The following CRIM1 variants were observed in gnomAD, a reference collection of about 807,000 sequenced individuals.
The protein encoded by CRIM1 is cysteine rich transmembrane BMP regulator 1.
Under a neutral mutation model 116.4 loss-of-function variants are expected in CRIM1, and 32 were observed. The ratio of observed to expected loss-of-function variants is 0.27; its 90% CI spans 0.21 to 0.37. CRIM1 has a LOEUF of 0.37. Among genes scored for constraint, CRIM1 ranks in the 10% least tolerant of loss-of-function variants. CRIM1 has a pLI of 1.00. For synonymous variants in CRIM1, 590 were observed against 509.2 expected (o/e 1.16, Z -2.13); for missense variants, 1,331 against 1,354.8 (o/e 0.98, Z 0.28).
At chr2:36,494,038 T>G (rs1431190158) in intron 7 of CRIM1, among the ~76,000 whole-genome samples, 1 of 152,142 alleles carries the variant, frequency 6.6e-6, no homozygotes, top group Non-Finnish European at 1.5e-5. Flanking sequence ...GAATTTCTCA[T>G]AAAATAAACT....
At chr2:36,534,328 GA>G (rs757331025) in intron 13 of CRIM1, among the ~76,000 whole-genome samples, 25 of 116,628 alleles carry the variant, frequency 2.1e-4, no homozygotes, top group Admixed American at 3.9e-4. Flanking sequence ...GAAAGAAGGA[GA>G]AAAGGAGGGA....
At chr2:36,544,132 A>G (rs961191037) in intron 14 of CRIM1, among the ~76,000 whole-genome samples, 2 of 152,232 alleles carry the variant, frequency 1.3e-5, no homozygotes, top group African/African-American at 4.8e-5. Flanking sequence ...GTGAAAAAGC[A>G]GTTTTTGACC....
intron 1 of CRIM1, among the ~76,000 whole-genome samples, chr2:36,391,118 ATTTTTTTTTTTTTT>A (rs57108558): frequency 5.9e-5 from 4 of 67,234 alleles, no homozygotes; most frequent in Admixed American, 4.2e-4. Flanking sequence ...CCAACTTTTG[ATTTTTTTTTTTTTT>A]TTTTTTTTTT....
chr2:36,482,514 A>T (rs1331068490), intron 7 of CRIM1, among the ~76,000 whole-genome samples: 1 of 152,268 alleles, frequency 6.6e-6, no homozygotes, highest in Non-Finnish European at 1.5e-5. Context: ...CTCAGCAGTC[A>T]TTCAATATCA....
At chr2:36,541,451 G>A (rs1666937010) in intron 14 of CRIM1, among the ~76,000 whole-genome samples, 1 of 152,164 alleles carries the variant, frequency 6.6e-6, no homozygotes, top group African/African-American at 2.4e-5. Flanking sequence ...TGAGGCTCAG[G>A]AAAGGTAAGA....
At chr2:36,365,480 G>A (rs1299637886) in intron 1 of CRIM1, among the ~76,000 whole-genome samples, 1 of 152,162 alleles carries the variant, frequency 6.6e-6, no homozygotes, top group Non-Finnish European at 1.5e-5. Context: ...CTGCGGGCTT[G>A]GGAATGAGCA....
intron 1 of CRIM1, among the ~76,000 whole-genome samples, chr2:36,378,142 A>C (rs1380476002): frequency 6.6e-6 from 1 of 152,202 alleles, no homozygotes; most frequent in African/African-American, 2.4e-5. Context: ...AAGGCGATAG[A>C]TGGGTAGATA....
chr2:36,516,584 A>G (rs1322152181), intron 11 of CRIM1, among the ~76,000 whole-genome samples: 6 of 152,150 alleles, frequency 3.9e-5, no homozygotes, highest in Admixed American at 1.3e-4. Context: ...ACCTCTCTTC[A>G]TGATGATATT....
At chr2:36,455,681 A>C (rs988855817) in intron 4 of CRIM1, among the ~76,000 whole-genome samples, 1 of 152,202 alleles carries the variant, frequency 6.6e-6, no homozygotes, top group Admixed American at 6.5e-5. Flanking sequence ...CAGGTGAATA[A>C]GTGAGTAGGA....
intron 1 of CRIM1, among the ~76,000 whole-genome samples, chr2:36,359,119 G>A (rs1357225722): frequency 1.3e-5 from 2 of 152,124 alleles, no homozygotes; most frequent in Admixed American, 1.3e-4. Flanking sequence ...AGAAATTCAC[G>A]TGGTGAAGCA....
chr2:36,529,263 T>A (rs1316210092), intron 13 of CRIM1: 8 of 467,724 alleles, frequency 1.7e-5, no homozygotes, highest in Non-Finnish European at 3.1e-5. Context: ...CAGAGTCTTC[T>A]TAACAGGACT....
At chr2:36,518,524 G>A (rs1665172874) in intron 12 of CRIM1, among the ~76,000 whole-genome samples, 1 of 152,054 alleles carries the variant, frequency 6.6e-6, no homozygotes, top group Non-Finnish European at 1.5e-5. Flanking sequence ...TATGTTGATG[G>A]CATTTTTGGA....
At chr2:36,403,914 G>C (rs1249574605) in intron 2 of CRIM1, among the ~76,000 whole-genome samples, 1 of 152,138 alleles carries the variant, frequency 6.6e-6, no homozygotes, top group Non-Finnish European at 1.5e-5. Context: ...CTGGAGATAA[G>C]AATTTATGAG....
intron 2 of CRIM1, among the ~76,000 whole-genome samples, chr2:36,424,227 C>T (rs927341000): frequency 4.6e-5 from 7 of 152,040 alleles, no homozygotes; most frequent in South Asian, 2.1e-4. Context: ...ATAAAGTCTA[C>T]GAAAATAGAC....
chr2:36,437,065 C>T (rs1203185661), intron 2 of CRIM1, among the ~76,000 whole-genome samples: 2 of 152,188 alleles, frequency 1.3e-5, no homozygotes, highest in East Asian at 3.9e-4. Context: ...TAGAAATGAA[C>T]CAAGCATTAA....
intron 13 of CRIM1, 135 bp downstream of exon 13, chr2:36,522,448 A>T: frequency 1.5e-6 from 1 of 661,656 alleles, no homozygotes; most frequent in Non-Finnish European, 2.7e-6. Context: ...GACCCAGTGT[A>T]GCAACACTGA....
chr2:36,514,184 G>C (rs1664888576), intron 11 of CRIM1, among the ~76,000 whole-genome samples: 1 of 152,174 alleles, frequency 6.6e-6, no homozygotes, highest in African/African-American at 2.4e-5. Flanking sequence ...GTTTGAGAGG[G>C]AGAAACTTTT....
At chr2:36,503,000 CT>C (rs1199471432) in intron 8 of CRIM1, among the ~76,000 whole-genome samples, 1 of 152,198 alleles carries the variant, frequency 6.6e-6, no homozygotes, top group Admixed American at 6.5e-5. Flanking sequence ...TACTTCAACA[CT>C]GATTGGAATT....
At chr2:36,363,704 G>A (rs1022162032) in intron 1 of CRIM1, among the ~76,000 whole-genome samples, 6 of 152,010 alleles carry the variant, frequency 3.9e-5, no homozygotes, top group Admixed American at 2.0e-4. Context: ...GGGAGGAGGC[G>A]GGAACCTAGA....
Sources: allele counts gnomAD v4.1 joint callset (sites outside exome capture counted in the v4.1 genomes callset), GRCh38; gene constraint gnomAD v4.1.1; transcripts MANE v1.5; gene names NCBI Gene and HGNC (gene_info 2026-07-23, HGNC 2026-07-21).